The following LRP1B variants were observed in gnomAD, a reference collection of about 807,000 sequenced individuals.
LRP1B encodes low-density lipoprotein receptor-related protein 1B.
A neutral mutation model predicts 556.6 loss-of-function variants in LRP1B; 217 were observed. The ratio of observed to expected loss-of-function variants is 0.39; its 90% CI spans 0.35 to 0.44. The LOEUF is 0.44. Among genes scored for constraint, LRP1B ranks in the 20% least tolerant of loss-of-function variants. The pLI is 1.00. For missense variants in LRP1B, 5,053 were observed against 5,620.8 expected, an observed-to-expected ratio of 0.90 and a Z score of 3.23; for synonymous variants, 2,047 against 1,865.8, an observed-to-expected ratio of 1.10 and a Z score of -2.50.
At chr2:141,225,987 C>G (rs1683229702) in intron 6 of LRP1B, among the ~76,000 whole-genome samples, 2 of 151,986 alleles carry the variant, frequency 1.3e-5, no homozygotes, top group South Asian at 4.1e-4. Context: ...ATCATTTTTG[C>G]TTTGCTAACA....
intron 62 of LRP1B, among the ~76,000 whole-genome samples, chr2:140,456,097 T>C (rs1687096787): frequency 6.6e-6 from 1 of 152,174 alleles, no homozygotes. Context: ...CCAGATCACC[T>C]ACTCTAAGAA....
intron 31 of LRP1B, among the ~76,000 whole-genome samples, chr2:140,822,425 CT>C (rs1331576962): frequency 2.6e-5 from 4 of 152,168 alleles, no homozygotes; most frequent in African/African-American, 9.6e-5. Flanking sequence ...TTATGATACA[CT>C]TCTATTTTAA....
At chr2:140,691,415 T>G (rs7583161) in intron 41 of LRP1B, among the ~76,000 whole-genome samples, 122,417 of 150,154 alleles carry the variant, frequency 0.82, 50,139 homozygotes, top group Middle Eastern at 0.87. Flanking sequence ...AGGTTGTGGT[T>G]AGCCAAGCCA....
Position 141,734,659 on chromosome 2 carries a change from A to T in LRP1B, c.205+75620T>A, listed in dbSNP as rs1375916389. 3.3e-5 allele frequency among the ~76,000 whole-genome samples: 5 copies of T among 152,092 alleles called. 1 individual carries two copies. The South Asian group carries it at 8.3e-4, about 25-fold the overall frequency. On this transcript the variant is annotated intron_variant, in intron 2 of 90. Transcript: ENST00000389484. ...GTAAGTTTCAGTTCTCCTATTTTTT[A>T]AAATAATTTTTAAGGGCCTCTCTGC... is the stretch of plus-strand genomic sequence containing the variant.
At chr2:140,907,063 T>C (rs1326698279) in intron 22 of LRP1B, among the ~76,000 whole-genome samples, 2 of 152,016 alleles carry the variant, frequency 1.3e-5, no homozygotes, top group Non-Finnish European at 2.9e-5. Context: ...TCAATGTAGT[T>C]GTCTTTCCTA....
At position 140,358,108 on chromosome 2, in the gene LRP1B, T is replaced by A; in HGVS notation, c.11266A>T (p.Thr3756Ser). The change falls in exon 74 of 91, where the codon ACA (threonine) becomes TCA (serine). Residue 3756 changes from threonine (T) to serine (S), a missense_variant. Thr to Ser is a moderately conservative substitution (Grantham distance 58, BLOSUM62 1). Around this residue, in one of 5 missense-constraint regions of LRP1B, gnomAD observed 599 missense variants for 648.4 expected, o/e 0.92. Coordinates refer to ENST00000389484, the MANE Select transcript of LRP1B (RefSeq NM_018557.3). ...SDEDHCGGKL[T>S]YKARPCKKDE... ...TTTTTACAAGGCCTTGCTTTATATG[T>A]CAGCTTACCTATAGAGTCATACAAA... The A allele has an allele frequency of 6.2e-7, 1 of 1,610,704 alleles. No individual in the cohort carries two copies.
At chr2:142,036,741 A>C (rs1268844431) in intron 1 of LRP1B, among the ~76,000 whole-genome samples, 1 of 151,690 alleles carries the variant, frequency 6.6e-6, no homozygotes, top group East Asian at 1.9e-4. Context: ...CACAGAAACA[A>C]TTATGCATAT....
At chr2:141,567,373 TTTG>T (rs1686370087) in intron 2 of LRP1B, among the ~76,000 whole-genome samples, 1 of 152,172 alleles carries the variant, frequency 6.6e-6, no homozygotes, top group African/African-American at 2.4e-5. Context: ...GGCTAAGGAT[TTTG>T]TTATTTGTTT....
intron 86 of LRP1B, among the ~76,000 whole-genome samples, chr2:140,252,889 C>G (rs1681512719): frequency 6.6e-6 from 1 of 151,990 alleles, no homozygotes; most frequent in African/African-American, 2.4e-5. Context: ...AATGTATAAA[C>G]AAATATACCC....
chr2:141,379,871 G>C (rs1289568656), intron 3 of LRP1B, among the ~76,000 whole-genome samples: 1 of 152,160 alleles, frequency 6.6e-6, no homozygotes, highest in East Asian at 1.9e-4. Flanking sequence ...CTCCATGAAA[G>C]GGATTAGACT....
intron 2 of LRP1B, among the ~76,000 whole-genome samples, chr2:141,656,933 T>C (rs1251796045): frequency 1.3e-5 from 2 of 152,036 alleles, no homozygotes; most frequent in Non-Finnish European, 2.9e-5. Flanking sequence ...TTAGCACGAG[T>C]ATAAAGTAGG....
chr2:140,758,005 T>G (rs918417668), intron 35 of LRP1B, among the ~76,000 whole-genome samples: 3 of 152,220 alleles, frequency 2.0e-5, no homozygotes, highest in Non-Finnish European at 4.4e-5. Flanking sequence ...TGTATATTAA[T>G]GATGGCTGCA....
At chr2:141,930,019 T>C (rs537272938) in intron 1 of LRP1B, among the ~76,000 whole-genome samples, 2 of 149,904 alleles carry the variant, frequency 1.3e-5, no homozygotes, top group South Asian at 4.2e-4. Flanking sequence ...CAATTATTAA[T>C]AAATGACCCT....
At chr2:141,449,939 C>T (rs1681352862) in intron 3 of LRP1B, among the ~76,000 whole-genome samples, 1 of 152,158 alleles carries the variant, frequency 6.6e-6, no homozygotes, top group Non-Finnish European at 1.5e-5. Context: ...TTTCATCTCC[C>T]CAGATATGAC....
intron 35 of LRP1B, among the ~76,000 whole-genome samples, chr2:140,733,961 T>G (rs1013190707): frequency 5.3e-5 from 8 of 152,232 alleles, no homozygotes; most frequent in African/African-American, 1.9e-4. Flanking sequence ...AATATAGATG[T>G]GCCTTTTGGG....
chr2:142,033,306 T>A (rs773337281), intron 1 of LRP1B, among the ~76,000 whole-genome samples: 5 of 151,792 alleles, frequency 3.3e-5, no homozygotes, highest in African/African-American at 4.8e-5. Context: ...TTTTCCTGAC[T>A]TTCCCATTCT....
At chr2:140,248,491 TTA>T (rs1681266077) in intron 86 of LRP1B, among the ~76,000 whole-genome samples, 1 of 151,586 alleles carries the variant, frequency 6.6e-6, no homozygotes, top group South Asian at 2.1e-4. Flanking sequence ...AGCTAACACA[TTA>T]TATAATTTTC....
At chr2:141,051,339 G>A (rs994441806) in intron 10 of LRP1B, among the ~76,000 whole-genome samples, 3 of 152,116 alleles carry the variant, frequency 2.0e-5, no homozygotes, top group East Asian at 1.9e-4. Context: ...TATGCTTACT[G>A]CAGCATTATT....
rs1311079506 is a variant in LRP1B at position 141,286,045 on chromosome 2, T to C, written c.344-31404A>G. On this transcript the variant is annotated intron_variant, in intron 3 of 90. Transcript: ENST00000389484. Reference sequence around the variant, plus strand: ...TCCCGCCACTGCACTCCAGCCTGGGTGACAGAGCGAGACTCCGTCTCAAAA... The same window carrying C: ...TCCCGCCACTGCACTCCAGCCTGGGCGACAGAGCGAGACTCCGTCTCAAAA... Among the ~76,000 whole-genome samples, 29 of 117,018 alleles carry C rather than the reference T, an allele frequency of 2.5e-4. 1 individual carries two copies. Among genetic ancestry groups the C allele is most frequent in the South Asian group, 2.4e-3 (9 of 3,778 alleles). The allele number at this position is 117,018 out of a possible 152,430, so 76.8% of individuals were successfully genotyped here.
Sources: gnomAD v4.1 joint callset for allele counts (sites outside exome capture counted in the v4.1 genomes callset) on GRCh38, gnomAD v4.1.1 for gene constraint, gnomAD v4.1.1 regional missense constraint, MANE v1.5 for transcripts, NCBI Gene and HGNC (gene_info 2026-07-23, HGNC 2026-07-21) for gene names.